Variants in MGAT4C observed in about 807,000 individuals in gnomAD.
MGAT4C encodes the protein alpha-1,3-mannosyl-glycoprotein 4-beta-N-acetylglucosaminyltransferase C.
Under a neutral mutation model 40.1 loss-of-function variants are expected in MGAT4C, and 19 were observed. That is an observed-to-expected ratio of 0.47 (90% CI 0.33 to 0.70). The LOEUF is 0.70. Ranked by LOEUF, MGAT4C falls within the 30% of genes least tolerant of loss-of-function variation. The pLI, the probability that MGAT4C is intolerant of heterozygous loss-of-function variation, is 0.02. For synonymous variants in MGAT4C, 181 were observed against 187.1 expected (o/e 0.97, Z 0.27); for missense variants, 491 against 563.2 (o/e 0.87, Z 1.30).
At chr12:86,462,086 C>T (rs1206364128) in intron 2 of MGAT4C, among the ~76,000 whole-genome samples, 1 of 152,158 alleles carries the variant, frequency 6.6e-6, no homozygotes, top group Non-Finnish European at 1.5e-5. Flanking sequence ...TGGCGAAAAG[C>T]TCAGCTTAAA....
intron 2 of MGAT4C, among the ~76,000 whole-genome samples, chr12:86,491,862 G>A (rs1260878696): frequency 2.0e-5 from 3 of 152,098 alleles, no homozygotes; most frequent in Non-Finnish European, 4.4e-5. Context: ...AATTGTCCCT[G>A]TTTGCAGACG....
At chr12:86,314,973 T>C (rs1412185378) in intron 4 of MGAT4C, among the ~76,000 whole-genome samples, 1 of 152,072 alleles carries the variant, frequency 6.6e-6, no homozygotes, top group Non-Finnish European at 1.5e-5. Flanking sequence ...CAATGTCATT[T>C]TTTACAGAAT....
intron 2 of MGAT4C, among the ~76,000 whole-genome samples, chr12:86,565,210 TGAA>T (rs1394751683): frequency 6.6e-6 from 1 of 151,994 alleles, no homozygotes; most frequent in Non-Finnish European, 1.5e-5. Context: ...ATCATCAAGT[TGAA>T]GTGGTATATA....
chr12:86,375,668 C>T (rs1955810445), intron 3 of MGAT4C, among the ~76,000 whole-genome samples: 1 of 151,808 alleles, frequency 6.6e-6, no homozygotes, highest in Non-Finnish European at 1.5e-5. Flanking sequence ...TTTCTACTTT[C>T]AAATATTAAT....
chr12:86,684,522 T>G (rs1282896195), intron 2 of MGAT4C, among the ~76,000 whole-genome samples: 2 of 152,236 alleles, frequency 1.3e-5, no homozygotes, highest in African/African-American at 2.4e-5. Flanking sequence ...AACAGAATGA[T>G]TTATAATCCC....
At chr12:86,333,943 G>A (rs1217610395) in intron 4 of MGAT4C, 1 of 152,124 alleles carries the variant, frequency 6.6e-6, no homozygotes, top group South Asian at 2.1e-4. Context: ...TTCCTTATAA[G>A]AATGCAGAAA....
intron 4 of MGAT4C, among the ~76,000 whole-genome samples, chr12:85,981,343 T>C (rs1884582233): frequency 1.3e-5 from 2 of 152,168 alleles, no homozygotes; most frequent in African/African-American, 4.8e-5. Context: ...TGAATAACAT[T>C]TCTAAGCCAC....
At chr12:86,830,354 T>G (rs1465795093) in intron 1 of MGAT4C, among the ~76,000 whole-genome samples, 1 of 151,764 alleles carries the variant, frequency 6.6e-6, no homozygotes, top group African/African-American at 2.4e-5. Context: ...CCACATGTGT[T>G]TATCAGCCTG....
intron 1 of MGAT4C, among the ~76,000 whole-genome samples, chr12:86,118,946 A>G (rs1878899150): frequency 6.6e-6 from 1 of 152,088 alleles, no homozygotes; most frequent in Non-Finnish European, 1.5e-5. Context: ...ATGGATGTAT[A>G]ATTTCAATAG....
chr12:86,441,750 T>C (rs553827562), intron 2 of MGAT4C, among the ~76,000 whole-genome samples: 1 of 152,262 alleles, frequency 6.6e-6, no homozygotes, highest in African/African-American at 2.4e-5. Flanking sequence ...CAATCATTAA[T>C]GGACATTTGG....
At chr12:86,487,854 T>C (rs879282708) in intron 2 of MGAT4C, among the ~76,000 whole-genome samples, 13 of 151,992 alleles carry the variant, frequency 8.6e-5, no homozygotes, top group Non-Finnish European at 1.5e-4. Flanking sequence ...TTTACATAAA[T>C]AAACATTGCG....
intron 1 of MGAT4C, among the ~76,000 whole-genome samples, chr12:86,765,550 A>G (rs988576738): frequency 2.0e-5 from 3 of 152,164 alleles, no homozygotes; most frequent in Non-Finnish European, 4.4e-5. Flanking sequence ...GAGCAACTCC[A>G]AGACACATAA....
chr12:86,405,615 A>AAAATTCAT (rs1956449314), intron 3 of MGAT4C, among the ~76,000 whole-genome samples: 1 of 151,948 alleles, frequency 6.6e-6, no homozygotes, highest in South Asian at 2.1e-4. Flanking sequence ...TTTTTTATAT[A>AAAATTCAT]AAATTCATAC....
chr12:86,298,347 T>C (rs1049609912), intron 4 of MGAT4C, among the ~76,000 whole-genome samples: 3 of 152,172 alleles, frequency 2.0e-5, no homozygotes, highest in African/African-American at 7.2e-5. Flanking sequence ...TAATATTTAT[T>C]TCTTACAGGT....
At chr12:86,441,439 C>A (rs891896409) in intron 2 of MGAT4C, among the ~76,000 whole-genome samples, 3 of 151,478 alleles carry the variant, frequency 2.0e-5, no homozygotes, top group Non-Finnish European at 4.4e-5. Context: ...TGTTGGTGTG[C>A]TGCACCCATT....
intron 1 of MGAT4C, among the ~76,000 whole-genome samples, chr12:86,072,854 T>C: frequency 6.6e-6 from 1 of 152,224 alleles, no homozygotes; most frequent in East Asian, 1.9e-4. Context: ...CTTAGGTTGT[T>C]TTCTTGTTTG....
chr12:86,751,210 G>T (rs1485389913), intron 1 of MGAT4C, among the ~76,000 whole-genome samples: 1 of 151,930 alleles, frequency 6.6e-6, no homozygotes, highest in Non-Finnish European at 1.5e-5. Flanking sequence ...TATTCACTGA[G>T]GAACATTCTA....
intron 1 of MGAT4C, among the ~76,000 whole-genome samples, chr12:86,211,041 A>G (rs1371684257): frequency 6.6e-6 from 1 of 151,868 alleles, no homozygotes; most frequent in Non-Finnish European, 1.5e-5. Context: ...CTAACTCAGA[A>G]CATGCAGAAA....
chr12:86,143,625 T>C (rs1593060724), intron 1 of MGAT4C, among the ~76,000 whole-genome samples: 1 of 152,186 alleles, frequency 6.6e-6, no homozygotes, highest in South Asian at 2.1e-4. Flanking sequence ...TTTGCTGTTA[T>C]GAGATTTTTA....
Sources: allele counts gnomAD v4.1 joint callset (sites outside exome capture counted in the v4.1 genomes callset), GRCh38; gene constraint gnomAD v4.1.1; transcripts MANE v1.5; gene names NCBI Gene and HGNC (gene_info 2026-07-23, HGNC 2026-07-21).